The following GALNT2 variants were observed in gnomAD, a reference collection of about 807,000 sequenced individuals.
GALNT2 encodes UDP-GalNAc:polypeptide N-acetylgalactosaminyltransferase 2.
In GALNT2, 31 loss-of-function variants were observed where a neutral mutation model predicts 81.4. The observed-to-expected ratio is 0.38, with a 90% CI of 0.29 to 0.51. GALNT2 has a LOEUF of 0.51. Ranked by LOEUF, GALNT2 falls within the 20% of genes least tolerant of loss-of-function variation. The pLI, the probability that GALNT2 is intolerant of heterozygous loss-of-function variation, is 0.87. For synonymous variants in GALNT2, 303 were observed against 287.4 expected, an observed-to-expected ratio of 1.05 and a Z score of -0.55; for missense variants, 629 against 765.7, an observed-to-expected ratio of 0.82 and a Z score of 2.11.
intron 1 of GALNT2, among the ~76,000 whole-genome samples, chr1:230,124,079 G>C (rs1245828312): frequency 6.6e-6 from 1 of 152,184 alleles, no homozygotes; most frequent in African/African-American, 2.4e-5. Flanking sequence ...GGACTAAGTG[G>C]CCTTTAAACC....
chr1:230,171,630 G>A (rs549142708), intron 1 of GALNT2, among the ~76,000 whole-genome samples: 5 of 152,208 alleles, frequency 3.3e-5, no homozygotes, highest in East Asian at 1.9e-4. Flanking sequence ...GTTTTCTCCC[G>A]CAGTAATATT....
chr1:230,153,747 C>T (rs1009747290), intron 1 of GALNT2, among the ~76,000 whole-genome samples: 11 of 152,326 alleles, frequency 7.2e-5, no homozygotes, highest in South Asian at 4.1e-4. Context: ...GAGGCCACTC[C>T]GCTCTTGGAG....
At chr1:230,075,164 C>G (rs562740135) in intron 1 of GALNT2, among the ~76,000 whole-genome samples, 8 of 120,144 alleles carry the variant, frequency 6.7e-5, no homozygotes, top group Admixed American at 6.3e-4. Context: ...CTCACTCTGT[C>G]GCCCAGGCTG....
intron 3 of GALNT2, among the ~76,000 whole-genome samples, chr1:230,234,546 C>G (rs1466175361): frequency 6.6e-6 from 1 of 152,196 alleles, no homozygotes; most frequent in Non-Finnish European, 1.5e-5. Context: ...CCTCTTGCCG[C>G]CTCACAGGCA....
intron 1 of GALNT2, among the ~76,000 whole-genome samples, chr1:230,096,589 A>G (rs1447911307): frequency 6.6e-6 from 1 of 151,314 alleles, no homozygotes; most frequent in African/African-American, 2.4e-5. Context: ...TTTGTTGTTA[A>G]TCCATCAGTC....
chr1:230,205,947 T>C (rs954755852), intron 3 of GALNT2, among the ~76,000 whole-genome samples: 7 of 152,318 alleles, frequency 4.6e-5, no homozygotes, highest in African/African-American at 1.7e-4. Context: ...AGCTACTGAC[T>C]GAAGACCAGA....
chr1:230,279,616 G>GCCT lies in GALNT2; in HGVS notation c.*158_*159insCCT. 2 of 902,562 alleles carry GCCT rather than the reference G, an allele frequency of 2.2e-6. No individual in the cohort carries two copies. The highest frequency in any genetic ancestry group is 3.3e-6 in the Non-Finnish European group (2 of 609,070). 55.9% of individuals were successfully genotyped at this position (902,562 alleles called of 1,614,324 possible). Reference sequence around the variant, plus strand: ...AAACTTCGGCAAGGCACGGACGACTGTGCAGACACAGCAGCGGCAAGAAGC... The same window carrying GCCT: ...AAACTTCGGCAAGGCACGGACGACTGCCTTGCAGACACAGCAGCGGCAAGAAGC... On this transcript the variant is annotated 3_prime_UTR_variant, in exon 16 of 16. Coordinates refer to ENST00000366672, the MANE Select transcript of GALNT2 (RefSeq NM_004481.5). The surrounding 1 kb of genome is among the most constrained non-coding windows in gnomAD (Gnocchi z 4.6).
At chr1:230,202,871 G>T (rs1006367283) in intron 2 of GALNT2, among the ~76,000 whole-genome samples, 3 of 152,178 alleles carry the variant, frequency 2.0e-5, no homozygotes, top group African/African-American at 7.2e-5. Context: ...CAGGTACTTT[G>T]ATCTTACTTT....
intron 1 of GALNT2, among the ~76,000 whole-genome samples, chr1:230,076,798 T>C (rs1203420633): frequency 6.6e-6 from 1 of 152,174 alleles, no homozygotes; most frequent in Admixed American, 6.5e-5. Flanking sequence ...GCGTCCAGTG[T>C]ACTTCTGGAT....
chr1:230,259,079 T>C (rs1665801146), intron 11 of GALNT2: 1 of 152,252 alleles, frequency 6.6e-6, no homozygotes, highest in Admixed American at 6.5e-5. Context: ...TTTACCTCAG[T>C]TGACTCATCT....
intron 14 of GALNT2, among the ~76,000 whole-genome samples, chr1:230,272,771 G>A (rs796740874): frequency 5.3e-5 from 8 of 152,002 alleles, no homozygotes; most frequent in African/African-American, 1.7e-4. Context: ...GGTTCGGTTC[G>A]GTTCAGTTCG....
chr1:230,071,900 C>CTG (rs1659387314), intron 1 of GALNT2, among the ~76,000 whole-genome samples: 1 of 152,200 alleles, frequency 6.6e-6, no homozygotes, highest in Non-Finnish European at 1.5e-5. Flanking sequence ...TGTGTGACTG[C>CTG]TGAACAGTGC....
At chr1:230,075,811 G>A (rs77394185) in intron 1 of GALNT2, among the ~76,000 whole-genome samples, 128 of 152,298 alleles carry the variant, frequency 8.4e-4, no homozygotes, top group Non-Finnish European at 1.7e-3. Flanking sequence ...GATAGTTGCA[G>A]TATTAAAGTG....
At chr1:230,141,788 CTTTTTTTTTTT>C (rs60824749) in intron 1 of GALNT2, among the ~76,000 whole-genome samples, 3 of 101,326 alleles carry the variant, frequency 3.0e-5, no homozygotes, top group Non-Finnish European at 5.6e-5. Flanking sequence ...TTTTGTTTTC[CTTTTTTTTTTT>C]TTTTTTTTTT....
chr1:230,275,592 TATAG>T lies in GALNT2; in HGVS notation c.1560+1032_1560+1035del, dbSNP rs1292113501. 6.7e-6 allele frequency among the ~76,000 whole-genome samples: 1 copy of T among 149,582 alleles called. No homozygotes were observed. Among genetic ancestry groups the T allele is most frequent in the Non-Finnish European group, 1.5e-5 (1 of 67,266 alleles). On this transcript the variant is annotated intron_variant, in intron 15 of 15. Transcript: ENST00000366672. The surrounding 1 kb of genome is among the most constrained non-coding windows in gnomAD (Gnocchi z 5.5). ...CATATAAACACACCATATATATACA[TATAG>T]ATACATGCTACATTTATATAAACAC... is the stretch of plus-strand genomic sequence containing the variant.
chr1:230,198,857 C>A (rs1383258120), intron 2 of GALNT2, among the ~76,000 whole-genome samples: 6 of 152,146 alleles, frequency 3.9e-5, no homozygotes, highest in Non-Finnish European at 8.8e-5. Flanking sequence ...ATTTAATAAG[C>A]AAACTTTTCG....
intron 14 of GALNT2, among the ~76,000 whole-genome samples, chr1:230,265,842 A>G (rs754435927): frequency 6.6e-6 from 1 of 152,220 alleles, no homozygotes; most frequent in Non-Finnish European, 1.5e-5. Context: ...AAGATAGAAG[A>G]TACTCAGTAT....
intron 1 of GALNT2, among the ~76,000 whole-genome samples, chr1:230,127,436 C>T (rs140992988): frequency 1.1e-3 from 163 of 151,996 alleles, no homozygotes; most frequent in African/African-American, 3.5e-3. Flanking sequence ...AGTGCAGTGG[C>T]GCAATCTTGC....
At chr1:230,076,708 C>T (rs544878182) in intron 1 of GALNT2, among the ~76,000 whole-genome samples, 24 of 152,098 alleles carry the variant, frequency 1.6e-4, no homozygotes, top group Non-Finnish European at 3.1e-4. Context: ...AGGCCATTCT[C>T]ATTTATGAAG....
Sources: allele counts gnomAD v4.1 joint callset (sites outside exome capture counted in the v4.1 genomes callset), GRCh38; gene constraint gnomAD v4.1.1; non-coding constraint Gnocchi (gnomAD v3.1); transcripts MANE v1.5; gene names NCBI Gene and HGNC (gene_info 2026-07-23, HGNC 2026-07-21).